The following KAZN variants were observed in gnomAD, a reference collection of about 807,000 sequenced individuals.
KAZN encodes kazrin.
In KAZN, 40 loss-of-function variants were observed where a neutral mutation model predicts 87.4. The ratio of observed to expected loss-of-function variants is 0.46; its 90% confidence interval spans 0.36 to 0.60. KAZN has a LOEUF of 0.60. KAZN is among the 20% of genes least tolerant of loss of function. The pLI is 0.00. For synonymous variants in KAZN, 466 were observed against 458.3 expected (o/e 1.02, Z -0.22); for missense variants, 898 against 1,073.9 (o/e 0.84, Z 2.29).
intron 2 of KAZN, among the ~76,000 whole-genome samples, chr1:14,530,308 C>T (rs1557780274): frequency 6.6e-6 from 1 of 152,214 alleles, no homozygotes; most frequent in African/African-American, 2.4e-5. Context: ...AGAGTCTGAG[C>T]CACCTCTAAC....
At chr1:14,224,736 T>C (rs997959320) in intron 2 of KAZN, among the ~76,000 whole-genome samples, 3 of 152,090 alleles carry the variant, frequency 2.0e-5, no homozygotes, top group Non-Finnish European at 2.9e-5. Flanking sequence ...AATTGTCCTC[T>C]CCAGGTCTCA....
intron 1 of KAZN, among the ~76,000 whole-genome samples, chr1:14,752,129 C>A (rs928894340): frequency 6.6e-6 from 1 of 152,080 alleles, no homozygotes; most frequent in African/African-American, 2.4e-5. Context: ...TTTTAACAAC[C>A]AGCTTTTGTG....
intron 1 of KAZN, among the ~76,000 whole-genome samples, chr1:13,962,278 G>T (rs540838428): frequency 6.6e-6 from 1 of 152,178 alleles, no homozygotes; most frequent in East Asian, 1.9e-4. Flanking sequence ...AGGAGGTGAG[G>T]CCAGAGAGTT....
intron 1 of KAZN, among the ~76,000 whole-genome samples, chr1:14,759,775 G>A (rs1219103647): frequency 6.6e-6 from 1 of 152,126 alleles, no homozygotes; most frequent in Non-Finnish European, 1.5e-5. Context: ...ATGAGCCTCA[G>A]TTTCCTTATC....
intron 2 of KAZN, among the ~76,000 whole-genome samples, chr1:14,216,383 TA>T (rs1273434614): frequency 1.3e-5 from 2 of 152,038 alleles, no homozygotes; most frequent in African/African-American, 4.8e-5. Context: ...CCTTCCAGGG[TA>T]GTCACTCACT....
chr1:14,958,784 GC>G (rs1160599367), intron 1 of KAZN, among the ~76,000 whole-genome samples: 2 of 152,042 alleles, frequency 1.3e-5, no homozygotes, highest in African/African-American at 2.4e-5. Context: ...GCTGCCCTTG[GC>G]CCCTCCCCTG....
intron 2 of KAZN, among the ~76,000 whole-genome samples, chr1:14,371,357 C>T (rs1420126215): frequency 1.3e-5 from 2 of 152,100 alleles, no homozygotes; most frequent in African/African-American, 4.8e-5. Context: ...TGCTTAATCC[C>T]CTCTTGCAAA....
intron 1 of KAZN, among the ~76,000 whole-genome samples, chr1:14,657,077 C>CTTTTTA (rs1638839760): frequency 1.2e-5 from 1 of 83,340 alleles, no homozygotes; most frequent in Non-Finnish European, 2.3e-5. Flanking sequence ...AAGAGAGAGG[C>CTTTTTA]TTTTTTTTTT....
chr1:14,579,580 G>A (rs1247236141), intron 2 of KAZN, among the ~76,000 whole-genome samples: 2 of 150,444 alleles, frequency 1.3e-5, no homozygotes, highest in African/African-American at 4.9e-5. Flanking sequence ...AGCCGAGATC[G>A]CACCACTGCA....
At position 15,105,116 on chromosome 1, in the gene KAZN, T is replaced by C. The variant is rs1055629353; in HGVS notation, c.2048+927T>C. Among the ~76,000 whole-genome samples, 9 of 152,376 alleles carry C rather than the reference T, an allele frequency of 5.9e-5. No homozygotes were observed. In the East Asian group the frequency reaches 1.3e-3, roughly 23 times the overall value. Reference sequence around the variant, plus strand: ...TATATTTATAAGGGATATTGGTCTATAGTTTTCCCTCCTTGTGATGTTTTT... The same window carrying C: ...TATATTTATAAGGGATATTGGTCTACAGTTTTCCCTCCTTGTGATGTTTTT... On this transcript the variant is annotated intron_variant, in intron 13 of 14. Transcript: ENST00000376030.
intron 1 of KAZN, among the ~76,000 whole-genome samples, chr1:14,711,840 A>G (rs1642503741): frequency 6.6e-6 from 1 of 152,224 alleles, no homozygotes; most frequent in Non-Finnish European, 1.5e-5. Context: ...AAGGACTCAG[A>G]GGGCCCAAAA....
intron 1 of KAZN, among the ~76,000 whole-genome samples, chr1:13,918,601 AG>A (rs1639945469): frequency 6.6e-6 from 1 of 152,268 alleles, no homozygotes; most frequent in Non-Finnish European, 1.5e-5. Context: ...TTTTGAAAGA[AG>A]TTCTACTGTG....
rs190232437 is a variant in KAZN, at chr1:15,048,681, G to A, written c.726+4522G>A. 1.0e-3 allele frequency among the ~76,000 whole-genome samples: 143 copies of A among 143,276 alleles called. 1 individual carries two copies. Among genetic ancestry groups the A allele is most frequent in the Non-Finnish European group, 1.1e-3 (74 of 67,358 alleles). The allele number at this position is 143,276 out of a possible 152,430, so 94.0% of individuals were successfully genotyped here. A position where few individuals can be genotyped will look rare whatever the true frequency, so the allele number is the denominator to read the frequency against. ...GGTCCTGGGTCGCTGGTCCTGGGTCGTTGGTCCTGGGTCGTTGATCCTTGG... is the reference window on the plus strand; with the variant it reads ...GGTCCTGGGTCGCTGGTCCTGGGTCATTGGTCCTGGGTCGTTGATCCTTGG... On this transcript the variant is annotated intron_variant, in intron 4 of 14. Transcript: ENST00000376030.
chr1:14,025,269 G>A (rs750615673), intron 1 of KAZN, among the ~76,000 whole-genome samples: 11 of 152,178 alleles, frequency 7.2e-5, no homozygotes, highest in Non-Finnish European at 1.3e-4. Context: ...TTGGTCAAGT[G>A]CCAAGATGAG....
chr1:14,576,526 A>G (rs561692514), intron 2 of KAZN, among the ~76,000 whole-genome samples: 2 of 152,338 alleles, frequency 1.3e-5, no homozygotes, highest in African/African-American at 4.8e-5. Context: ...GAACATGCTG[A>G]AAAGGATATG....
chr1:14,053,625 A>G (rs756765458), intron 1 of KAZN, among the ~76,000 whole-genome samples: 16 of 152,308 alleles, frequency 1.1e-4, no homozygotes, highest in Middle Eastern at 3.4e-3. Context: ...TACAATCTTC[A>G]TGGGACCTAG....
chr1:15,063,194 C>G (rs1638942923), intron 6 of KAZN: 2 of 207,700 alleles, frequency 9.6e-6, no homozygotes, highest in Non-Finnish European at 1.9e-5. Context: ...CTATTTTGTG[C>G]TTTTTCTATA....
At chr1:14,371,693 T>C (rs1005629808) in intron 2 of KAZN, among the ~76,000 whole-genome samples, 46 of 152,162 alleles carry the variant, frequency 3.0e-4, no homozygotes, top group African/African-American at 1.0e-3. Context: ...TCAGCATCAA[T>C]AAATATTTAT....
At chr1:14,032,761 C>T (rs992884258) in intron 1 of KAZN, among the ~76,000 whole-genome samples, 1 of 152,066 alleles carries the variant, frequency 6.6e-6, no homozygotes, top group African/African-American at 2.4e-5. Flanking sequence ...GTGTTCTGAC[C>T]CCTGCTTAAA....
Sources: allele counts gnomAD v4.1 joint callset (sites outside exome capture counted in the v4.1 genomes callset), GRCh38; gene constraint gnomAD v4.1.1; transcripts MANE v1.5; gene names NCBI Gene and HGNC (gene_info 2026-07-23, HGNC 2026-07-21).